Variants in ADAMTS2 observed in about 807,000 individuals in gnomAD.
The protein encoded by ADAMTS2 is ADAM metallopeptidase with thrombospondin type 1 motif 2.
Under a neutral mutation model 123.0 loss-of-function variants are expected in ADAMTS2, and 50 were observed. That is an observed-to-expected ratio of 0.41 (90% confidence interval 0.32 to 0.51). The LOEUF (loss-of-function observed/expected upper bound fraction) is 0.51, where lower values mean the gene tolerates loss of function less well. ADAMTS2 is among the 20% of genes least tolerant of loss of function. The pLI is 0.35. For synonymous variants in ADAMTS2, 678 were observed against 695.4 expected (o/e 0.98, Z 0.39); for missense variants, 1,494 against 1,705.2 (o/e 0.88, Z 2.18).
intron 4 of ADAMTS2, among the ~76,000 whole-genome samples, chr5:179,198,742 G>A (rs111402999): frequency 5.3e-4 from 80 of 152,164 alleles, no homozygotes; most frequent in African/African-American, 1.8e-3. Context: ...GCTGAGGCAG[G>A]AGAATTGCTT....
intron 3 of ADAMTS2, among the ~76,000 whole-genome samples, chr5:179,252,509 C>G (rs139971633): frequency 1.1e-4 from 16 of 152,212 alleles, no homozygotes; most frequent in Non-Finnish European, 2.2e-4. Context: ...TGAAGTTCCA[C>G]TATTATTTCT....
chr5:179,140,132 GC>G, intron 10 of ADAMTS2, 97 bp from the exon 11 acceptor site: 1 of 1,574,218 alleles, frequency 6.4e-7, no homozygotes. Context: ...ACACGTCCTG[GC>G]CCCACTCTGG....
At chr5:179,301,711 C>G (rs1297994024) in intron 2 of ADAMTS2, among the ~76,000 whole-genome samples, 1 of 152,276 alleles carries the variant, frequency 6.6e-6, no homozygotes, top group Non-Finnish European at 1.5e-5. Context: ...CTTAAGTATG[C>G]TGAACTTCAG....
chr5:179,265,882 TG>T (rs1388905304), intron 3 of ADAMTS2, among the ~76,000 whole-genome samples: 1 of 152,216 alleles, frequency 6.6e-6, no homozygotes, highest in Non-Finnish European at 1.5e-5. Context: ...TCCCGGGGCC[TG>T]GGCTGCAGGC....
chr5:179,249,438 TAAG>T (rs1214442078), intron 3 of ADAMTS2, among the ~76,000 whole-genome samples: 1 of 151,798 alleles, frequency 6.6e-6, no homozygotes. Flanking sequence ...TGAAAAACAA[TAAG>T]AAGACTCAAT....
In ADAMTS2 at chr5:179,308,812, C is replaced by T. The variant is rs1421765317; in HGVS notation, c.534+34955G>A. Among the ~76,000 whole-genome samples the T allele has an allele frequency of 6.6e-6, 1 of 152,168 alleles. No homozygotes were observed. The highest frequency in any genetic ancestry group is 1.5e-5 in the Non-Finnish European group (1 of 68,020). On this transcript the variant is annotated intron_variant, in intron 2 of 21. Coordinates refer to ENST00000251582, the MANE Select transcript of ADAMTS2 (RefSeq NM_014244.5). The surrounding 1 kb of genome is among the most constrained non-coding windows in gnomAD (Gnocchi z 6.6). ...CTCTGCCTCCTCTTCCTTCCCACCC[C>T]AGGGGCCCTGGGATGCAGCTAGGCC...
At chr5:179,315,559 CCA>C (rs1305347259) in intron 2 of ADAMTS2, among the ~76,000 whole-genome samples, 6 of 152,260 alleles carry the variant, frequency 3.9e-5, no homozygotes, top group African/African-American at 1.4e-4. Flanking sequence ...GCACCACCAG[CCA>C]CAGTCTCCAC....
intron 2 of ADAMTS2, among the ~76,000 whole-genome samples, chr5:179,283,056 C>A (rs1345839972): frequency 6.6e-6 from 1 of 152,058 alleles, no homozygotes; most frequent in Non-Finnish European, 1.5e-5. Context: ...TGCTTGGCAT[C>A]CCTCCCCAGC....
chr5:179,345,228 G>GCGGCGGCGGCGGCGGCAGGA lies in ADAMTS2; in HGVS notation c.100_101insTCCTGCCGCCGCCGCCGCCG (p.Pro34LeufsTer138). The GCGGCGGCGGCGGCGGCAGGA allele has an allele frequency of 9.2e-7, 1 of 1,082,206 alleles. No individual in the cohort carries two copies. The allele number at this position is 1,082,206 out of a possible 1,614,324, so 67.0% of individuals were successfully genotyped here. On this transcript the variant is annotated frameshift_variant, in exon 1 of 22. Transcript: ENST00000251582. LOFTEE classifies it high-confidence loss of function. This position sits in a 1 kb window ranked among gnomAD's most constrained non-coding sequence, Gnocchi z 7.5. The stretch of plus-strand genomic sequence containing the variant: ...GGCGGCGGCGAGCCTGGCGTTCGCG[G>GCGGCGGCGGCGGCGGCAGGA]GCGGCGGCGGCGGCGGCAGGAGCGG...
chr5:179,249,745 G>A (rs1051957074), intron 3 of ADAMTS2, among the ~76,000 whole-genome samples: 23 of 152,118 alleles, frequency 1.5e-4, no homozygotes, highest in African/African-American at 5.1e-4. Flanking sequence ...TAAAGAGCTT[G>A]AATCAGTCAT....
chr5:179,244,978 C>T (rs1032683853), intron 3 of ADAMTS2, among the ~76,000 whole-genome samples: 2 of 152,152 alleles, frequency 1.3e-5, no homozygotes, highest in Non-Finnish European at 1.5e-5. Context: ...TGTGGCCCTC[C>T]AAAGATGTTC....
rs1256644016 is a variant in ADAMTS2 at position 179,175,169 on chromosome 5, G to C, written c.975+5903C>G. ...TCTTCCTTGCTTGGGTTCCGCAGCT[G>C]TCTCAGCCATTCTTGACCGTCCATG... On this transcript the variant is annotated intron_variant, in intron 5 of 21. Coordinates refer to ENST00000251582, the MANE Select transcript of ADAMTS2 (RefSeq NM_014244.5). The surrounding 1 kb of genome is among the most constrained non-coding windows in gnomAD (Gnocchi z 4.1). 6.6e-6 allele frequency among the ~76,000 whole-genome samples: 1 copy of C among 151,022 alleles called. No homozygotes were observed. The highest frequency in any genetic ancestry group is 1.9e-4 in the East Asian group (1 of 5,142).
At position 179,113,500 on chromosome 5, in the gene ADAMTS2, G is replaced by C. The variant is rs779009020; in HGVS notation, c.*367C>G. 3.2e-6 allele frequency: 1 copy of C among 312,798 alleles called. No individual in the cohort carries two copies. The highest frequency in any genetic ancestry group is 6.1e-6 in the Non-Finnish European group (1 of 164,376). The allele number at this position is 312,798 out of a possible 1,614,324, so 19.4% of individuals were successfully genotyped here. ...TCTGGGGATCGGTAGGGAATGTCATGCATCTCCGCCAAGGAAAGGAAGGTT... is the reference window on the plus strand; with the variant it reads ...TCTGGGGATCGGTAGGGAATGTCATCCATCTCCGCCAAGGAAAGGAAGGTT... On this transcript the variant is annotated 3_prime_UTR_variant, in exon 22 of 22. Coordinates refer to ENST00000251582, the MANE Select transcript of ADAMTS2 (RefSeq NM_014244.5).
chr5:179,124,545 C>G, intron 19 of ADAMTS2, among the ~76,000 whole-genome samples: 1 of 152,218 alleles, frequency 6.6e-6, no homozygotes, highest in East Asian at 1.9e-4. Flanking sequence ...CCGTATCATG[C>G]AGAAGCCTCT....
intron 5 of ADAMTS2, among the ~76,000 whole-genome samples, chr5:179,163,729 C>T (rs765542476): frequency 1.3e-5 from 2 of 152,196 alleles, no homozygotes; most frequent in African/African-American, 4.8e-5. Flanking sequence ...TGCGGCAAGA[C>T]AATTTATTGA....
In ADAMTS2 at chr5:179,201,288, C is replaced by T. The variant is rs141996878; in HGVS notation, c.891+6225G>A. Among the ~76,000 whole-genome samples, 872 of 152,226 alleles carry T rather than the reference C, an allele frequency of 5.7e-3. 5 individuals carry two copies. Among genetic ancestry groups the T allele is most frequent in the African/African-American group, 0.012 (519 of 41,542 alleles). ...CGAGCGATAGATTCAACTCTATGAA[C>T]GTGATACAGTTAGTGGCATGTCTGA... On this transcript the variant is annotated intron_variant, in intron 4 of 21. Transcript: ENST00000251582.
At chr5:179,264,935 C>T (rs564009283) in intron 3 of ADAMTS2, among the ~76,000 whole-genome samples, 6 of 81,288 alleles carry the variant, frequency 7.4e-5, no homozygotes, top group East Asian at 5.5e-4. Context: ...GAGCTGAGCG[C>T]GCTGACCCCT....
intron 2 of ADAMTS2, among the ~76,000 whole-genome samples, chr5:179,343,357 C>T (rs754810000): frequency 6.6e-6 from 1 of 152,248 alleles, no homozygotes; most frequent in Non-Finnish European, 1.5e-5. Context: ...CACTGGCACA[C>T]GCACATGTTC....
At chr5:179,337,949 C>G (rs1004768592) in intron 2 of ADAMTS2, among the ~76,000 whole-genome samples, 1 of 151,856 alleles carries the variant, frequency 6.6e-6, no homozygotes, top group East Asian at 1.9e-4. Context: ...CCTTCACCTC[C>G]CAGCTGACTC....
Sources: allele counts gnomAD v4.1 joint callset (sites outside exome capture counted in the v4.1 genomes callset), GRCh38; gene constraint gnomAD v4.1.1; non-coding constraint Gnocchi (gnomAD v3.1); transcripts MANE v1.5; gene names NCBI Gene and HGNC (gene_info 2026-07-23, HGNC 2026-07-21).